Variants in PTGR1 observed in about 807,000 individuals in gnomAD.
The protein encoded by PTGR1 is prostaglandin reductase 1.
A neutral mutation model predicts 37.7 loss-of-function variants in PTGR1; 23 were observed. The observed-to-expected ratio is 0.61, with a 90% CI of 0.44 to 0.86. The LOEUF (loss-of-function observed/expected upper bound fraction) is 0.86. PTGR1 is among the 40% of genes least tolerant of loss of function. The pLI, the probability that PTGR1 is intolerant of heterozygous loss-of-function variation, is 0.00. For synonymous variants in PTGR1, 134 were observed against 140.0 expected, an observed-to-expected ratio of 0.96 and a Z score of 0.30; for missense variants, 351 against 394.3, an observed-to-expected ratio of 0.89 and a Z score of 0.93.
At chr9:111,550,605 C>G (rs989240634) in intron 9 of PTGR1, among the ~76,000 whole-genome samples, 22 of 152,152 alleles carry the variant, frequency 1.4e-4, no homozygotes, top group African/African-American at 5.1e-4. Context: ...ACTTTAGGAA[C>G]TTTCTGCCGA....
chr9:111,578,959 G>GGAAA lies in PTGR1; in HGVS notation c.496-9_496-8insTTTC. ...TCCAACAACTTTGCAGCCCTAAGTA[G>GGAAA]AAAAAAAAAAAAAAAGGAAACCATG... On this transcript the variant is annotated splice_polypyrimidine_tract_variant and intron_variant, in intron 6 of 9. Transcript: ENST00000407693. 2 of 1,246,588 alleles carry GGAAA rather than the reference G, an allele frequency of 1.6e-6. No homozygotes were observed. Among genetic ancestry groups the GGAAA allele is most frequent in the East Asian group, 2.9e-5 (1 of 34,498 alleles). The allele number at this position is 1,246,588 out of a possible 1,614,324, so 77.2% of individuals were successfully genotyped here.
chr9:111,561,764 G>A (rs756599033), downstream of PTGR1, among the ~76,000 whole-genome samples: 58 of 151,246 alleles, frequency 3.8e-4, no homozygotes, highest in Non-Finnish European at 5.3e-4. Context: ...ATTTCTTCTG[G>A]CATAATCACA....
Position 111,592,991 on chromosome 9 carries a change from A to C in PTGR1, c.153-9T>G, listed in dbSNP as rs1429963083. 2 of 748,138 alleles carry C rather than the reference A, an allele frequency of 2.7e-6. No individual in the cohort carries two copies. The highest frequency in any genetic ancestry group is 2.3e-5 in the African/African-American group (1 of 44,406). 46.3% of individuals were successfully genotyped at this position (748,138 alleles called of 1,614,324 possible). On this transcript the variant is annotated splice_polypyrimidine_tract_variant and intron_variant, in intron 3 of 9. Transcript: ENST00000407693. ...ATCTTTTGGCTGCCACTCTGCAAAAAAAAAAAAAAAAAAAAAAAAAAAAAA... is the reference window on the plus strand; with the variant it reads ...ATCTTTTGGCTGCCACTCTGCAAAACAAAAAAAAAAAAAAAAAAAAAAAAA...
intron 9 of PTGR1, among the ~76,000 whole-genome samples, chr9:111,550,411 C>T (rs1317267526): frequency 2.0e-5 from 3 of 152,206 alleles, no homozygotes; most frequent in Admixed American, 6.5e-5. Flanking sequence ...ACCCTGGCTG[C>T]AGCAAGCTGA....
rs116695603 is a variant in PTGR1, at chr9:111,597,416, G to T, written c.7C>A (p.Arg3Ser). 25 of 1,606,420 alleles carry T rather than the reference G, an allele frequency of 1.6e-5. No homozygotes were observed. In the African/African-American group the frequency reaches 2.5e-4, roughly 16 times the overall value. Residue 3 changes from arginine (R) to serine (S), a missense_variant, in exon 2 of 10, where the codon CGT becomes AGT. Arg to Ser is a moderately radical substitution (Grantham distance 110). Coordinates refer to ENST00000407693, the MANE Select transcript of PTGR1 (RefSeq NM_001146108.2). ...TTCTTCAGGGTCCATGTCTTAGTAC[G>T]AACCATCCTGAAGCTCCTAGAACAC... Reference protein sequence around the residue: MVRTKTWTLKKHF... With the variant: MVSTKTWTLKKHF...
chr9:111,567,966 T>C (rs1828640749), intron 9 of PTGR1, among the ~76,000 whole-genome samples: 1 of 152,222 alleles, frequency 6.6e-6, no homozygotes, highest in Non-Finnish European at 1.5e-5. Context: ...AATCCTGTTA[T>C]CTTTGTAAGC....
At chr9:111,557,811 A>G (rs550642418), downstream of PTGR1, among the ~76,000 whole-genome samples, 4 of 152,168 alleles carry the variant, frequency 2.6e-5, no homozygotes, top group African/African-American at 9.6e-5. Context: ...CAACTTCTTT[A>G]CCCTTGGTAA....
chr9:111,561,146 A>AGG (rs1482847388), downstream of PTGR1, among the ~76,000 whole-genome samples: 5 of 44,370 alleles, frequency 1.1e-4, 1 homozygote, highest in Admixed American at 9.0e-4. Flanking sequence ...GAGGAGAGAG[A>AGG]GGGAGAGAGA....
chr9:111,572,756 C>CAAAAAAAAAAAAAAAAAAAAAAAAAAAA (rs58101079), intron 8 of PTGR1, among the ~76,000 whole-genome samples: 1 of 63,512 alleles, frequency 1.6e-5, no homozygotes, highest in Admixed American at 2.0e-4. Context: ...GACCCTGTCT[C>CAAAAAAAAAAAAAAAAAAAAAAAAAAAA]AAAAAAAAAA....
intron 4 of PTGR1, among the ~76,000 whole-genome samples, chr9:111,590,651 G>A (rs532924398): frequency 7.9e-5 from 12 of 152,256 alleles, no homozygotes; most frequent in East Asian, 1.9e-4. Context: ...GAGCCACTGC[G>A]TCCAGCCTTC....
intron 6 of PTGR1, among the ~76,000 whole-genome samples, chr9:111,580,512 T>C (rs1244123647): frequency 6.6e-6 from 1 of 152,012 alleles, no homozygotes; most frequent in Non-Finnish European, 1.5e-5. Context: ...TCCCAGCACT[T>C]TGGGGGGCTG....
chr9:111,579,459 C>T (rs1051258421), intron 6 of PTGR1, among the ~76,000 whole-genome samples: 6 of 152,058 alleles, frequency 3.9e-5, no homozygotes, highest in Admixed American at 1.3e-4. Context: ...TGCAGTAGCA[C>T]GAACATGGCT....
At chr9:111,555,044 G>C (rs1828081376) in intron 9 of PTGR1, among the ~76,000 whole-genome samples, 1 of 152,156 alleles carries the variant, frequency 6.6e-6, no homozygotes, top group Admixed American at 6.5e-5. Flanking sequence ...ATATAAGCCT[G>C]GCTACCATTA....
At chr9:111,580,547 G>C (rs900138647) in intron 6 of PTGR1, among the ~76,000 whole-genome samples, 13 of 152,006 alleles carry the variant, frequency 8.6e-5, no homozygotes, top group African/African-American at 3.1e-4. Flanking sequence ...CCGGAGGTCG[G>C]GAGTTCGAGA....
intron 4 of PTGR1, 185 bp downstream of exon 4, chr9:111,592,741 A>T: frequency 2.8e-6 from 2 of 726,448 alleles, no homozygotes; most frequent in Non-Finnish European, 4.1e-6. Context: ...TGACAATTTC[A>T]CATCCTTCCC....
chr9:111,560,972 T>G (rs377207360), downstream of PTGR1, among the ~76,000 whole-genome samples: 76 of 21,306 alleles, frequency 3.6e-3, 4 homozygotes, highest in Non-Finnish European at 4.6e-3. Flanking sequence ...TATATATATA[T>G]ATAGAGAGAG....
chr9:111,583,342 C>T, intron 6 of PTGR1, 130 bp downstream of exon 6: 1 of 734,910 alleles, frequency 1.4e-6, no homozygotes, highest in Non-Finnish European at 2.3e-6. Flanking sequence ...CCTCCAATTT[C>T]TCAATCTCCA....
Position 111,563,337 on chromosome 9 carries a change from A to C in PTGR1, c.880-106T>G. The C allele has an allele frequency of 3.5e-6, 4 of 1,147,570 alleles. No homozygotes were observed. In the South Asian group the frequency reaches 7.0e-5, roughly 20 times the overall value. 71.1% of individuals were successfully genotyped at this position (1,147,570 alleles called of 1,614,324 possible). Reference sequence around the variant, plus strand: ...ATCAGGTACATCATTGGAAACCTTGAAAATAAGAGATGGAAGTCCTGTCCT... The same window carrying C: ...ATCAGGTACATCATTGGAAACCTTGCAAATAAGAGATGGAAGTCCTGTCCT... On this transcript the variant is annotated intron_variant, in intron 9 of 9. Transcript: ENST00000407693.
At chr9:111,564,261 A>G in intron 9 of PTGR1, 1 of 913,950 alleles carries the variant, frequency 1.1e-6, no homozygotes, top group Non-Finnish European at 1.4e-6. Flanking sequence ...AAAGTAGGGA[A>G]GCTGAAATTT....
Sources: gnomAD v4.1 joint callset for allele counts (sites outside exome capture counted in the v4.1 genomes callset) on GRCh38, gnomAD v4.1.1 for gene constraint, MANE v1.5 for transcripts, NCBI Gene and HGNC (gene_info 2026-07-23, HGNC 2026-07-21) for gene names.